The following LAPTM4A variants were observed in gnomAD, a reference collection of about 807,000 sequenced individuals.
LAPTM4A encodes lysosomal protein transmembrane 4 alpha, also known as lysosomal-associated transmembrane protein 4A.
A neutral mutation model predicts 29.9 loss-of-function variants in LAPTM4A; 19 were observed. The ratio of observed to expected loss-of-function variants is 0.64; its 90% CI spans 0.44 to 0.93. LAPTM4A has a LOEUF of 0.93. Ranked by LOEUF, LAPTM4A falls within the 40% of genes least tolerant of loss-of-function variation. The probability of loss-of-function intolerance (pLI) is 0.00; values close to 1 mark genes in which losing one functional copy is unlikely to be tolerated. For missense variants in LAPTM4A, 293 were observed against 288.5 expected (o/e 1.02, Z -0.11); for synonymous variants, 105 against 102.1 (o/e 1.03, Z -0.17).
At position 20,047,873 on chromosome 2, in the gene LAPTM4A, G is replaced by C. The variant is rs1572401041; in HGVS notation, c.111+3537C>G. ...ATTTCCTTAATAAAATTTTTAGAAA[G>C]TGACTTGGGAGGACAGCAACATTTC... On this transcript the variant is annotated intron_variant, in intron 1 of 6. Coordinates refer to ENST00000175091, the MANE Select transcript of LAPTM4A (RefSeq NM_014713.5). Among the ~76,000 whole-genome samples, 4 of 152,234 alleles carry C rather than the reference G, an allele frequency of 2.6e-5. No homozygotes were observed. In the South Asian group the frequency reaches 8.3e-4, roughly 32 times the overall value.
intron 1 of LAPTM4A, among the ~76,000 whole-genome samples, chr2:20,045,728 G>A (rs1263856935): frequency 6.6e-6 from 1 of 152,184 alleles, no homozygotes; most frequent in African/African-American, 2.4e-5. Flanking sequence ...CACAGGGCCT[G>A]AAGAGAGGAA....
At chr2:20,045,465 TAA>T (rs397955198) in intron 1 of LAPTM4A, among the ~76,000 whole-genome samples, 12 of 139,764 alleles carry the variant, frequency 8.6e-5, no homozygotes, top group Admixed American at 2.9e-4. Context: ...CCCATCTCTT[TAA>T]AAAAAAAAAA....
chr2:20,047,256 C>T (rs1367197449), intron 1 of LAPTM4A, among the ~76,000 whole-genome samples: 4 of 150,718 alleles, frequency 2.7e-5, no homozygotes, highest in Admixed American at 6.6e-5. Context: ...GACATGGTGG[C>T]GGGTGCCTGT....
At chr2:20,040,140 T>C (rs1335646961) in intron 2 of LAPTM4A, among the ~76,000 whole-genome samples, 2 of 152,204 alleles carry the variant, frequency 1.3e-5, no homozygotes, top group Non-Finnish European at 2.9e-5. Context: ...ATCATCACCT[T>C]GGAGGTTAAG....
Position 20,037,376 on chromosome 2 carries a change from G to C in LAPTM4A, c.372C>G (p.Cys124Trp). ...AGGTGAGAGAACTAATAGCAACCAG[G>C]CAACTGAGGACGAAGTCAAAAAGTC... ...CYRLFDFVLS[C>W]LVAISSLTYL... Residue 124 changes from cysteine (C) to tryptophan (W), a missense_variant, in exon 4 of 7, where the codon TGC (cysteine) becomes TGG (tryptophan). Physicochemically the swap from Cys to Trp is radical, Grantham distance 215. Coordinates refer to ENST00000175091, the MANE Select transcript of LAPTM4A (RefSeq NM_014713.5). 1 of 1,612,952 alleles carries C rather than the reference G, an allele frequency of 6.2e-7. No individual in the cohort carries two copies.
At chr2:20,046,802 AT>A (rs532042145) in intron 1 of LAPTM4A, among the ~76,000 whole-genome samples, 6 of 143,796 alleles carry the variant, frequency 4.2e-5, no homozygotes, top group African/African-American at 1.0e-4. Context: ...TATAATATAT[AT>A]TTTTTTTTGG....
At position 20,033,141 on chromosome 2, in the gene LAPTM4A, A is replaced by T; in HGVS notation, c.*64T>A. On this transcript the variant is annotated 3_prime_UTR_variant, in exon 7 of 7. Coordinates refer to ENST00000175091, the MANE Select transcript of LAPTM4A (RefSeq NM_014713.5). ...ACAAGTTTGAAGAGCCCTGAATTGCAGCATTCTGTAACATAAACAAACAAA... is the reference window on the plus strand; with the variant it reads ...ACAAGTTTGAAGAGCCCTGAATTGCTGCATTCTGTAACATAAACAAACAAA... 1 of 1,304,008 alleles carries T rather than the reference A, an allele frequency of 7.7e-7. No individual in the cohort carries two copies. Among genetic ancestry groups the T allele is most frequent in the South Asian group, 1.2e-5 (1 of 84,612 alleles). 80.8% of individuals were successfully genotyped at this position (1,304,008 alleles called of 1,614,324 possible).
At chr2:20,045,806 T>A (rs917094280) in intron 1 of LAPTM4A, among the ~76,000 whole-genome samples, 1 of 152,020 alleles carries the variant, frequency 6.6e-6, no homozygotes, top group Non-Finnish European at 1.5e-5. Context: ...AAAAAAAAAA[T>A]CATTTTTCAG....
intron 1 of LAPTM4A, among the ~76,000 whole-genome samples, chr2:20,041,759 T>C (rs1487988641): frequency 6.6e-6 from 1 of 152,140 alleles, no homozygotes; most frequent in Non-Finnish European, 1.5e-5. Flanking sequence ...GGTCTCTAAT[T>C]CCTGACCTCA....
chr2:20,040,465 A>G (rs539622963), intron 2 of LAPTM4A, among the ~76,000 whole-genome samples: 14 of 152,268 alleles, frequency 9.2e-5, no homozygotes, highest in Non-Finnish European at 1.8e-4. Flanking sequence ...ATGTAACTTA[A>G]GCATAATCTA....
At chr2:20,035,785 C>T (rs968669100) in intron 4 of LAPTM4A, among the ~76,000 whole-genome samples, 7 of 152,088 alleles carry the variant, frequency 4.6e-5, no homozygotes, top group African/African-American at 1.7e-4. Flanking sequence ...ACACCAGGGT[C>T]TCTAAAAGGA....
At chr2:20,035,400 G>C (rs1033573990) in intron 4 of LAPTM4A, among the ~76,000 whole-genome samples, 1 of 152,144 alleles carries the variant, frequency 6.6e-6, no homozygotes, top group Non-Finnish European at 1.5e-5. Context: ...TGTGTCACTT[G>C]CATCATTAAC....
intron 5 of LAPTM4A, 118 bp downstream of exon 5, chr2:20,034,849 T>C: frequency 1.4e-6 from 1 of 729,978 alleles, no homozygotes. Flanking sequence ...TGTGCCAGAA[T>C]AAACACTGTC....
chr2:20,033,275 AC>A lies in LAPTM4A; in HGVS notation c.631del (p.Val211PhefsTer9). On this transcript the variant is annotated frameshift_variant, in exon 7 of 7. Transcript: ENST00000175091. LOFTEE classifies it high-confidence loss of function. ...CACGGCCATTTCATAGGTTGGCAAA[AC>A]GTACTAAAGAGAGAAAAAAAATTGT... ...YPAFEAPPQY[V>X]LPTYEMAVKM... The A allele has an allele frequency of 6.2e-7, 1 of 1,613,526 alleles. No individual in the cohort carries two copies. The highest frequency in any genetic ancestry group is 8.5e-7 in the Non-Finnish European group (1 of 1,179,444).
In LAPTM4A at chr2:20,037,578, A is replaced by C; in HGVS notation, c.269T>G (p.Met90Arg). ...AACCAGCATTGAACTGATTATAAAC[A>C]TAAGAACAGAGACGGCAAAAAGAAC... Reference protein sequence around the residue: ...ACVLFAVSVLMFIISSMLVYG... With the variant: ...ACVLFAVSVLRFIISSMLVYG... The change falls in exon 3 of 7, where the codon ATG (methionine) becomes AGG (arginine). Residue 90 changes from methionine to arginine, a missense_variant. Coordinates refer to ENST00000175091, the MANE Select transcript of LAPTM4A (RefSeq NM_014713.5). 11 of 1,609,732 alleles carry C rather than the reference A, an allele frequency of 6.8e-6. No homozygotes were observed. The highest frequency in any genetic ancestry group is 4.5e-5 in the East Asian group (2 of 44,828).
chr2:20,035,432 G>C (rs907245373), intron 4 of LAPTM4A, among the ~76,000 whole-genome samples: 1 of 152,194 alleles, frequency 6.6e-6, no homozygotes, highest in East Asian at 1.9e-4. Flanking sequence ...TCAGTTCTGT[G>C]TAAGTTCTAC....
In LAPTM4A at chr2:20,045,429, C is replaced by T. The variant is rs576627166; in HGVS notation, c.112-4418G>A. Among the ~76,000 whole-genome samples the T allele has an allele frequency of 9.6e-5, 14 of 146,158 alleles. No homozygotes were observed. The East Asian group carries it at 2.6e-3, about 27-fold the overall frequency. ...AGTGTGCTATAATCATGCCATTGCA[C>T]ACCAGCACAGGCAACATAGCAAGAC... On this transcript the variant is annotated intron_variant, in intron 1 of 6. Transcript: ENST00000175091.
In LAPTM4A at chr2:20,047,452, A is replaced by G. The variant is rs866448698; in HGVS notation, c.111+3958T>C. 2.5e-4 allele frequency among the ~76,000 whole-genome samples: 38 copies of G among 149,118 alleles called. 1 individual carries two copies. Among genetic ancestry groups the G allele is most frequent in the African/African-American group, 8.8e-4 (36 of 40,682 alleles). The stretch of plus-strand genomic sequence containing the variant: ...ACGCCTGTAATCCCAGCACTTTGGG[A>G]GGCCGAGGCGGGTGGATCATGAGGT... On this transcript the variant is annotated intron_variant, in intron 1 of 6. Coordinates refer to ENST00000175091, the MANE Select transcript of LAPTM4A (RefSeq NM_014713.5).
At position 20,033,632 on chromosome 2, in the gene LAPTM4A, C is replaced by T. The variant is rs535548150; in HGVS notation, c.628-353G>A. Among the ~76,000 whole-genome samples, 7 of 152,312 alleles carry T rather than the reference C, an allele frequency of 4.6e-5. No individual in the cohort carries two copies. The South Asian group carries it at 1.0e-3, about 23-fold the overall frequency. Reference sequence around the variant, plus strand: ...TCAGGTGTTGAGGAGTTGGGTTAAACCATGCAATAGGAAACACCCAATAAG... The same window carrying T: ...TCAGGTGTTGAGGAGTTGGGTTAAATCATGCAATAGGAAACACCCAATAAG... On this transcript the variant is annotated intron_variant, in intron 6 of 6. Transcript: ENST00000175091.
Sources: allele counts gnomAD v4.1 joint callset (sites outside exome capture counted in the v4.1 genomes callset), GRCh38; gene constraint gnomAD v4.1.1; transcripts MANE v1.5; gene names NCBI Gene and HGNC (gene_info 2026-07-23, HGNC 2026-07-21).